The following LSM14A variants were observed in gnomAD, a reference collection of about 807,000 sequenced individuals.
LSM14A encodes the protein LSM14A mRNA processing body assembly factor, also known as protein LSM14 homolog A.
A neutral mutation model predicts 52.4 loss-of-function variants in LSM14A; 14 were observed. The observed-to-expected ratio is 0.27, with a 90% CI of 0.18 to 0.42. LSM14A has a LOEUF of 0.42. LSM14A is among the 10% of genes least tolerant of loss of function. The pLI, the probability that LSM14A is intolerant of heterozygous loss-of-function variation, is 1.00. For synonymous variants in LSM14A, 185 were observed against 200.3 expected, an observed-to-expected ratio of 0.92 and a Z score of 0.64; for missense variants, 417 against 581.8, an observed-to-expected ratio of 0.72 and a Z score of 2.91.
At chr19:34,204,016 G>A (rs2071502912) in intron 3 of LSM14A, among the ~76,000 whole-genome samples, 1 of 152,040 alleles carries the variant, frequency 6.6e-6, no homozygotes, top group East Asian at 1.9e-4. Context: ...CAAGAAAAGT[G>A]TGTAGCATAC....
In LSM14A at chr19:34,192,632, C is replaced by CAAAAAA. The variant is rs548374017; in HGVS notation, c.122-1816_122-1811dup. On this transcript the variant is annotated intron_variant, in intron 1 of 9. Coordinates refer to ENST00000544216, the MANE Select transcript of LSM14A (RefSeq NM_015578.4). ...GGCATGAGGCGCTGCATCAGTTCTG[C>CAAAAAA]AAAAAAAAAAAAAAAAAAAAAAAAA... 5.8e-4 allele frequency among the ~76,000 whole-genome samples: 45 copies of CAAAAAA among 76,946 alleles called. 1 individual carries two copies. The highest frequency in any genetic ancestry group is 9.2e-4 in the East Asian group (1 of 1,088). 50.5% of individuals were successfully genotyped at this position (76,946 alleles called of 152,430 possible).
At chr19:34,192,310 C>CTTTTTGTTTTT (rs2070438547) in intron 1 of LSM14A, among the ~76,000 whole-genome samples, 1 of 51,658 alleles carries the variant, frequency 1.9e-5, no homozygotes, top group Non-Finnish European at 4.2e-5. Flanking sequence ...AAATAACATT[C>CTTTTTGTTTTT]TTTTTGTTGT....
rs572136254 is a variant in LSM14A at position 34,208,995 on chromosome 19, C to T, written c.482C>T (p.Ala161Val). Residue 161 changes from alanine to valine, a missense_variant, in exon 4 of 10, where the codon GCG (alanine) becomes GTG (valine). By Grantham distance (64) the Ala-to-Val change is moderately conservative. This residue lies in a region of LSM14A where 357 missense variants were observed against 457.0 expected (regional missense o/e 0.78). Coordinates refer to ENST00000544216, the MANE Select transcript of LSM14A (RefSeq NM_015578.4). ...SNSGTLPQSS[A>V]VGSAFTQDTR... ...AGTGGTACCTTACCCCAAAGTAGTG[C>T]GGTTGGTTCTGCCTTTACACAGGAT... 3.1e-5 allele frequency: 50 copies of T among 1,611,022 alleles called. No individual in the cohort carries two copies. The highest frequency in any genetic ancestry group is 2.0e-4 in the East Asian group (9 of 44,850).
rs369290247 is a variant in LSM14A at position 34,220,617 on chromosome 19, A to G, written c.1136+740A>G. 1.2e-4 allele frequency among the ~76,000 whole-genome samples: 8 copies of G among 65,336 alleles called. No homozygotes were observed. The South Asian group carries it at 2.6e-3, about 21-fold the overall frequency. The allele number at this position is 65,336 out of a possible 152,430, so 42.9% of individuals were successfully genotyped here. A position where few individuals can be genotyped will look rare whatever the true frequency, so the allele number is the denominator to read the frequency against. On this transcript the variant is annotated intron_variant, in intron 8 of 9. Coordinates refer to ENST00000544216, the MANE Select transcript of LSM14A (RefSeq NM_015578.4). ...CTAGAGGTTCTCCTGCCCAATCCAAATTGTCATTGTCCTTGTCCTTTTCCT... is the reference window on the plus strand; with the variant it reads ...CTAGAGGTTCTCCTGCCCAATCCAAGTTGTCATTGTCCTTGTCCTTTTCCT...
intron 1 of LSM14A, among the ~76,000 whole-genome samples, chr19:34,183,852 A>G (rs374178310): frequency 1.2e-4 from 19 of 152,262 alleles, no homozygotes; most frequent in African/African-American, 4.6e-4. Flanking sequence ...TTTTAACTTT[A>G]TTGGGTATAA....
At chr19:34,189,199 C>A (rs1441278504) in intron 1 of LSM14A, among the ~76,000 whole-genome samples, 1 of 152,128 alleles carries the variant, frequency 6.6e-6, no homozygotes, top group Non-Finnish European at 1.5e-5. Flanking sequence ...ATCTATTCAG[C>A]TACATAATAC....
At chr19:34,219,331 C>A in intron 6 of LSM14A, 60 bp from the exon 7 acceptor site, 2 of 1,152,694 alleles carry the variant, frequency 1.7e-6, no homozygotes, top group South Asian at 1.6e-5. Flanking sequence ...ATAGCAACAT[C>A]TGTGCTAAAC....
In LSM14A at chr19:34,227,589, A is replaced by G. The variant is rs2145921275; in HGVS notation, c.*201A>G. 6.1e-6 allele frequency: 3 copies of G among 494,284 alleles called. No homozygotes were observed. The highest frequency in any genetic ancestry group is 3.9e-5 in the South Asian group (1 of 25,372). The allele number at this position is 494,284 out of a possible 1,614,324, so 30.6% of individuals were successfully genotyped here. ...TTGGGGGTGGAAGGCTCATCTTAAA[A>G]CATGAGCATTAAATATATTTGGAAT... On this transcript the variant is annotated 3_prime_UTR_variant, in exon 10 of 10. Coordinates refer to ENST00000544216, the MANE Select transcript of LSM14A (RefSeq NM_015578.4).
chr19:34,178,172 A>G (rs1190785059), intron 1 of LSM14A, among the ~76,000 whole-genome samples: 2 of 137,798 alleles, frequency 1.5e-5, no homozygotes, highest in African/African-American at 5.5e-5. Flanking sequence ...AAAAAAAAAA[A>G]AACACAAAAT....
chr19:34,226,352 C>G, intron 9 of LSM14A: 2 of 1,466,092 alleles, frequency 1.4e-6, no homozygotes, highest in African/African-American at 1.5e-5. Flanking sequence ...TCCTTTCTCC[C>G]TCTCCTGTCC....
intron 1 of LSM14A, among the ~76,000 whole-genome samples, chr19:34,192,544 GGTGTC>G (rs2070504474): frequency 7.0e-6 from 1 of 142,166 alleles, no homozygotes; most frequent in South Asian, 2.2e-4. Context: ...TGTTGAGGCC[GGTGTC>G]AAACTCCTGA....
Position 34,215,670 on chromosome 19 carries a change from T to C in LSM14A, c.781+9T>C. On this transcript the variant is annotated intron_variant, in intron 6 of 9. Coordinates refer to ENST00000544216, the MANE Select transcript of LSM14A (RefSeq NM_015578.4). ...TAACAAGAGACAAGTAGGTAAGTTC[T>C]TGGATCTAAAAGTCATATTCTATGC... The C allele has an allele frequency of 6.3e-7, 1 of 1,597,108 alleles. No homozygotes were observed. The highest frequency in any genetic ancestry group is 8.6e-7 in the Non-Finnish European group (1 of 1,165,094).
At chr19:34,216,936 A>G (rs1414193317) in intron 6 of LSM14A, among the ~76,000 whole-genome samples, 2 of 152,072 alleles carry the variant, frequency 1.3e-5, no homozygotes, top group South Asian at 2.1e-4. Flanking sequence ...AATTTTCTTC[A>G]TGTTACAAGT....
At chr19:34,186,140 A>G (rs557796962) in intron 1 of LSM14A, among the ~76,000 whole-genome samples, 1 of 152,190 alleles carries the variant, frequency 6.6e-6, no homozygotes, top group East Asian at 1.9e-4. Flanking sequence ...GGGAGTTGCA[A>G]AGATGATCTA....
Position 34,227,597 on chromosome 19 carries a change from A to G in LSM14A, c.*209A>G, listed in dbSNP as rs757085140. 6.3e-6 allele frequency: 3 copies of G among 474,678 alleles called. No homozygotes were observed. The highest frequency in any genetic ancestry group is 1.1e-5 in the Non-Finnish European group (3 of 267,834). 29.4% of individuals were successfully genotyped at this position (474,678 alleles called of 1,614,324 possible). A position where few individuals can be genotyped will look rare whatever the true frequency, so the allele number is the denominator to read the frequency against. On this transcript the variant is annotated 3_prime_UTR_variant, in exon 10 of 10. Transcript: ENST00000544216. The stretch of plus-strand genomic sequence containing the variant: ...GGAAGGCTCATCTTAAAACATGAGC[A>G]TTAAATATATTTGGAATAGCAGAAG...
intron 1 of LSM14A, among the ~76,000 whole-genome samples, 191 bp downstream of exon 1, chr19:34,172,954 C>T (rs1418514780): frequency 6.6e-6 from 1 of 152,182 alleles, no homozygotes; most frequent in Non-Finnish European, 1.5e-5. Flanking sequence ...GGTTTCCGCC[C>T]CCCGGAATGT....
chr19:34,172,782 CAG>C lies in LSM14A; in HGVS notation c.121+20_121+21del. ...GCCAAAGGTACGCGGGACCGGGCCT[CAG>C]GGTGGGGGCCGAGCCGGGCGCCGCT... On this transcript the variant is annotated intron_variant, in intron 1 of 9. Coordinates refer to ENST00000544216, the MANE Select transcript of LSM14A (RefSeq NM_015578.4). The C allele has an allele frequency of 1.9e-6, 3 of 1,563,862 alleles. No homozygotes were observed. Among genetic ancestry groups the C allele is most frequent in the Non-Finnish European group, 1.7e-6 (2 of 1,157,496 alleles).
At chr19:34,204,349 T>C (rs971713244) in intron 3 of LSM14A, among the ~76,000 whole-genome samples, 1 of 152,184 alleles carries the variant, frequency 6.6e-6, no homozygotes, top group African/African-American at 2.4e-5. Flanking sequence ...CCAGATAATT[T>C]GGTATCAAGT....
rs577801775 is a variant in LSM14A at position 34,215,245 on chromosome 19, C to T, written c.660C>T (p.Thr220=). Reference sequence around the variant, plus strand: ...TTGGGAGAAGGAGTCCTGTATCAACCAGGCCTTTGCCATCTGCCAGCCAAA... The same window carrying T: ...TTGGGAGAAGGAGTCCTGTATCAACTAGGCCTTTGCCATCTGCCAGCCAAA... ...AAVGRRSPVS[T]RPLPSASQKA... is the part of the protein sequence containing the mutation. Residue 220 remains threonine (T), a synonymous_variant, in exon 5 of 10, where the codon ACC becomes ACT. Coordinates refer to ENST00000544216, the MANE Select transcript of LSM14A (RefSeq NM_015578.4). 6.8e-6 allele frequency: 11 copies of T among 1,614,070 alleles called. No individual in the cohort carries two copies. The highest frequency in any genetic ancestry group is 3.3e-5 in the South Asian group (3 of 91,054).
Sources: allele counts gnomAD v4.1 joint callset (sites outside exome capture counted in the v4.1 genomes callset), GRCh38; gene constraint gnomAD v4.1.1; regional missense constraint gnomAD v4.1.1; transcripts MANE v1.5; gene names NCBI Gene and HGNC (gene_info 2026-07-23, HGNC 2026-07-21).